FAIM2: variants seen among roughly 807,000 people sequenced by gnomAD.
The protein encoded by FAIM2 is Fas apoptotic inhibitory molecule 2, also known as protein lifeguard 2.
Under a neutral mutation model 47.4 loss-of-function variants are expected in FAIM2, and 27 were observed. The observed-to-expected ratio is 0.57, with a 90% CI of 0.42 to 0.78. FAIM2 has a LOEUF of 0.78. FAIM2 is among the 30% of genes least tolerant of loss of function. The pLI, the probability that FAIM2 is intolerant of heterozygous loss-of-function variation, is 0.00. For synonymous variants in FAIM2, 156 were observed against 159.3 expected (o/e 0.98, Z 0.16); for missense variants, 311 against 389.4 (o/e 0.80, Z 1.69).
At chr12:49,877,970 G>GTGTA (rs1454596634) in intron 11 of FAIM2, among the ~76,000 whole-genome samples, 1 of 150,972 alleles carries the variant, frequency 6.6e-6, no homozygotes, top group African/African-American at 2.5e-5. Flanking sequence ...GTATGTGTAT[G>GTGTA]TGTGCATGTA....
intron 11 of FAIM2, among the ~76,000 whole-genome samples, chr12:49,872,371 T>TG (rs1402411283): frequency 1.3e-5 from 2 of 151,696 alleles, no homozygotes; most frequent in Non-Finnish European, 1.5e-5. Context: ...GTGTGAAGAG[T>TG]GGGGAACTCG....
intron 11 of FAIM2, among the ~76,000 whole-genome samples, chr12:49,886,949 A>G (rs977995541): frequency 2.0e-5 from 3 of 152,144 alleles, no homozygotes; most frequent in Admixed American, 6.5e-5. Context: ...ACAGCAAAGA[A>G]CATGCTCAAT....
rs185382531 is a variant in FAIM2, at chr12:49,900,201, G to T, written c.211+929C>A. The T allele has an allele frequency of 4.1e-4, 530 of 1,287,916 alleles. 1 individual carries two copies. The African/African-American group carries it at 7.3e-3, about 18-fold the overall frequency. The allele number at this position is 1,287,916 out of a possible 1,614,324, so 79.8% of individuals were successfully genotyped here. A position where few individuals can be genotyped will look rare whatever the true frequency, so the allele number is the denominator to read the frequency against. ...GTCACGGTGGGGTGAGTCTTCAGGG[G>T]TCTGCGCCCAGGGGATTTGTAGTGG... On this transcript the variant is annotated intron_variant, in intron 2 of 11. Transcript: ENST00000320634.
chr12:49,877,621 G>GT (rs370908720), intron 11 of FAIM2, among the ~76,000 whole-genome samples: 2 of 152,206 alleles, frequency 1.3e-5, no homozygotes, highest in African/African-American at 2.4e-5. Context: ...CACTAGAAAA[G>GT]CAGGGTGAGG....
chr12:49,879,841 TGA>T lies in FAIM2; in HGVS notation c.801+7543_801+7544del, dbSNP rs1405820116. Reference sequence around the variant, plus strand: ...GCATGTGTATATGTGCGTGCATGTGTGAGTGTATGTATGTTCATGTGTATATG... The same window carrying T: ...GCATGTGTATATGTGCGTGCATGTGTGTGTATGTATGTTCATGTGTATATG... On this transcript the variant is annotated intron_variant, in intron 11 of 11. Transcript: ENST00000320634. Among the ~76,000 whole-genome samples the T allele has an allele frequency of 1.2e-3, 185 of 151,612 alleles. No homozygotes were observed. The South Asian group carries it at 0.013, about 10-fold the overall frequency.
At chr12:49,870,733 C>T (rs759551611) in intron 11 of FAIM2, 80 bp from the exon 12 acceptor site, 21 of 1,406,904 alleles carry the variant, frequency 1.5e-5, no homozygotes, top group African/African-American at 2.8e-5. Flanking sequence ...AGGTGTCCCC[C>T]TCAGCCCCAC....
At chr12:49,875,756 C>T (rs1386513220) in intron 11 of FAIM2, among the ~76,000 whole-genome samples, 3 of 152,124 alleles carry the variant, frequency 2.0e-5, no homozygotes, top group Non-Finnish European at 2.9e-5. Flanking sequence ...GGGTGGATCG[C>T]CTGAGGTCAG....
rs959789778 is a variant in FAIM2 at position 49,879,304 on chromosome 12, G to C, written c.801+8082C>G. The stretch of plus-strand genomic sequence containing the variant: ...TGTGTATGTGTGTGGGTATGTGTAT[G>C]CATGTGCATGTGTATATGTGCGTGT... On this transcript the variant is annotated intron_variant, in intron 11 of 11. Transcript: ENST00000320634. Among the ~76,000 whole-genome samples, 14 of 113,450 alleles carry C rather than the reference G, an allele frequency of 1.2e-4. 2 individuals are homozygous for C. Among genetic ancestry groups the C allele is most frequent in the Admixed American group, 1.2e-3 (11 of 9,474 alleles). The allele number at this position is 113,450 out of a possible 152,430, so 74.4% of individuals were successfully genotyped here.
intron 1 of FAIM2, 55 bp downstream of exon 1, chr12:49,903,723 A>AGGGAGTC (rs1946997092): frequency 6.5e-7 from 1 of 1,549,718 alleles, no homozygotes. Flanking sequence ...TGAGGATGAC[A>AGGGAGTC]GGGAGCCGGG....
At chr12:49,893,572 A>G (rs1422893939) in intron 5 of FAIM2, among the ~76,000 whole-genome samples, 1 of 152,192 alleles carries the variant, frequency 6.6e-6, no homozygotes, top group Non-Finnish European at 1.5e-5. Context: ...ATGAAATGCA[A>G]AACAAAACAA....
At chr12:49,880,881 A>AGAGTGTGT (rs142566990) in intron 11 of FAIM2, among the ~76,000 whole-genome samples, 3 of 150,848 alleles carry the variant, frequency 2.0e-5, no homozygotes, top group African/African-American at 4.9e-5. Flanking sequence ...CGTGAATGTG[A>AGAGTGTGT]GTGTGTGTGT....
intron 5 of FAIM2, among the ~76,000 whole-genome samples, chr12:49,892,723 C>A (rs967611199): frequency 2.6e-4 from 39 of 152,188 alleles, no homozygotes; most frequent in African/African-American, 9.2e-4. Flanking sequence ...CCTAGGTGGG[C>A]TCACTCATCC....
intron 11 of FAIM2, among the ~76,000 whole-genome samples, chr12:49,880,155 T>A (rs950792885): frequency 1.3e-5 from 2 of 149,482 alleles, no homozygotes; most frequent in Admixed American, 6.8e-5. Flanking sequence ...AGTGTATGTG[T>A]GTGCATGTGT....
rs763447839 is a variant in FAIM2, at chr12:49,870,614, G to A, written c.841C>T (p.Arg281Cys). 1.4e-5 allele frequency: 23 copies of A among 1,614,006 alleles called. No individual in the cohort carries two copies. The East Asian group carries it at 3.3e-4, about 23-fold the overall frequency. ...LDTQLLMGNR[R>C]HSLSPEEYIF... ...TACTCCTCAGGGCTCAGCGAGTGGCGTCGGTTACCCATCAGCAACTGGGTG... is the reference window on the plus strand; with the variant it reads ...TACTCCTCAGGGCTCAGCGAGTGGCATCGGTTACCCATCAGCAACTGGGTG... Residue 281 changes from arginine to cysteine, a missense_variant, in exon 12 of 12, where the codon CGC (arginine) becomes TGC (cysteine). Coordinates refer to ENST00000320634, the MANE Select transcript of FAIM2 (RefSeq NM_012306.4).
chr12:49,878,619 C>CATGTGCATGTGTATGTGTGT lies in FAIM2; in HGVS notation c.802-7967_802-7966insACACACATACACATGCACAT, dbSNP rs1565613408. On this transcript the variant is annotated intron_variant, in intron 11 of 11. Transcript: ENST00000320634. ...GTGTATGTGTGCATGTGTATGTGTGCATATGTGTATGTATGTGCCCTTGTA... is the reference window on the plus strand; with the variant it reads ...GTGTATGTGTGCATGTGTATGTGTGCATGTGCATGTGTATGTGTGTATATGTGTATGTATGTGCCCTTGTA... Among the ~76,000 whole-genome samples, 19 of 103,720 alleles carry CATGTGCATGTGTATGTGTGT rather than the reference C, an allele frequency of 1.8e-4. 3 individuals are homozygous for CATGTGCATGTGTATGTGTGT. The East Asian group carries it at 6.7e-3, about 36-fold the overall frequency. The allele number at this position is 103,720 out of a possible 152,430, so 68.0% of individuals were successfully genotyped here.
rs1355276806 is a variant in FAIM2 at position 49,889,095 on chromosome 12, C to A, written c.747+12G>T. The A allele has an allele frequency of 6.3e-7, 1 of 1,597,648 alleles. No homozygotes were observed. Among genetic ancestry groups the A allele is most frequent in the Admixed American group, 1.7e-5 (1 of 58,566 alleles). On this transcript the variant is annotated intron_variant, in intron 10 of 11. Transcript: ENST00000320634. ...CTCCCCATGGGGCCTGCTGGGGGAC[C>A]CAGAGACTCACATATTGGAAGGGTA...
intron 11 of FAIM2, among the ~76,000 whole-genome samples, chr12:49,884,781 T>C (rs560509047): frequency 3.9e-5 from 6 of 152,294 alleles, no homozygotes; most frequent in African/African-American, 9.6e-5. Context: ...GAGACCATCC[T>C]GGCTAACACA....
At chr12:49,883,695 AG>A (rs1301780219) in intron 11 of FAIM2, among the ~76,000 whole-genome samples, 2 of 152,156 alleles carry the variant, frequency 1.3e-5, no homozygotes, top group African/African-American at 4.8e-5. Context: ...CTGAGGGAGC[AG>A]GGTAGAAAGA....
In FAIM2 at chr12:49,874,208, A is replaced by G. The variant is rs1242875575; in HGVS notation, c.802-3555T>C. On this transcript the variant is annotated intron_variant, in intron 11 of 11. Transcript: ENST00000320634. This position sits in a 1 kb window ranked among gnomAD's most constrained non-coding sequence, Gnocchi z 4.2. ...AGACTCTGCAGGAGGAGCACATGGG[A>G]TGGGGCAGGAGGCCCCCTGGGACAA... Among the ~76,000 whole-genome samples the G allele has an allele frequency of 6.6e-6, 1 of 152,186 alleles. No homozygotes were observed. The highest frequency in any genetic ancestry group is 1.9e-4 in the East Asian group (1 of 5,188).
Sources: gnomAD v4.1 joint callset for allele counts (sites outside exome capture counted in the v4.1 genomes callset) on GRCh38, gnomAD v4.1.1 for gene constraint, Gnocchi (gnomAD v3.1) non-coding constraint, MANE v1.5 for transcripts, NCBI Gene and HGNC (gene_info 2026-07-23, HGNC 2026-07-21) for gene names.